PI16: variants seen among roughly 807,000 people sequenced by gnomAD.
PI16 encodes PSP94-binding protein.
In PI16, 35 loss-of-function variants were observed where a neutral mutation model predicts 38.0. That is an observed-to-expected ratio of 0.92 (90% confidence interval 0.70 to 1.22). PI16 has a LOEUF of 1.22. PI16 is among the 50% of genes most tolerant of loss of function. PI16 has a pLI of 0.00. For missense variants in PI16, 572 were observed against 593.8 expected, an observed-to-expected ratio of 0.96 and a Z score of 0.38; for synonymous variants, 275 against 252.9, an observed-to-expected ratio of 1.09 and a Z score of -0.83.
upstream of PI16, among the ~76,000 whole-genome samples, chr6:36,950,705 G>A (rs1003419851): frequency 1.1e-4 from 16 of 152,028 alleles, no homozygotes; most frequent in Non-Finnish European, 1.5e-4. This position sits in a 1 kb window ranked among gnomAD's most constrained non-coding sequence, Gnocchi z 4.2. Flanking sequence ...CACCACACCC[G>A]GCTAATTTTG....
chr6:36,961,867 TCCTCCTGA>T lies in PI16; in HGVS notation c.504-11_504-4del. 1 of 1,605,400 alleles carries T rather than the reference TCCTCCTGA, an allele frequency of 6.2e-7. No homozygotes were observed. The highest frequency in any genetic ancestry group is 2.2e-5 in the East Asian group (1 of 44,796). On this transcript the variant is annotated splice_polypyrimidine_tract_variant and intron_variant, in intron 3 of 6. Transcript: ENST00000373674. ...AGGGGTCGACCCCCTCCCCGCAGCATCCTCCTGACCTCCTGTAGGGGGAACGTGAAGGG... is the reference window on the plus strand; with the variant it reads ...AGGGGTCGACCCCCTCCCCGCAGCATCCTCCTGTAGGGGGAACGTGAAGGG...
At position 36,962,830 on chromosome 6, in the gene PI16, G is replaced by A; in HGVS notation, c.593-105G>A. On this transcript the variant is annotated intron_variant, in intron 4 of 6. Transcript: ENST00000373674. This position sits in a 1 kb window ranked among gnomAD's most constrained non-coding sequence, Gnocchi z 4.1. Reference sequence around the variant, plus strand: ...GCTGGAGAAGTGTATGTGTGTGTTTGTGTGTCCTGGTAGGACATTTGGTCG... The same window carrying A: ...GCTGGAGAAGTGTATGTGTGTGTTTATGTGTCCTGGTAGGACATTTGGTCG... The A allele has an allele frequency of 1.1e-6, 1 of 942,096 alleles. No individual in the cohort carries two copies. Among genetic ancestry groups the A allele is most frequent in the Admixed American group, 2.7e-5 (1 of 36,940 alleles). The allele number at this position is 942,096 out of a possible 1,614,324, so 58.4% of individuals were successfully genotyped here.
rs1371448506 is a variant in PI16, at chr6:36,963,979, G to C, written c.*18+17G>C. ...CACTCAAAGGCAAGGCCTGGTGAGG[G>C]GGGCCCTGGCCTCATACCCACCTGG... is the stretch of plus-strand genomic sequence containing the variant. On this transcript the variant is annotated intron_variant, in intron 6 of 6. Transcript: ENST00000373674. The C allele has an allele frequency of 3.8e-6, 6 of 1,598,096 alleles. No homozygotes were observed. Among genetic ancestry groups the C allele is most frequent in the Non-Finnish European group, 5.1e-6 (6 of 1,172,960 alleles).
chr6:36,963,640 T>A, intron 5 of PI16, 28 bp downstream of exon 5: 1 of 1,601,100 alleles, frequency 6.2e-7, no homozygotes, highest in East Asian at 2.2e-5. Context: ...TGTCCCACTT[T>A]CCTCCTGGCT....
chr6:36,963,698 G>A, intron 5 of PI16, 86 bp downstream of exon 5: 1 of 1,545,624 alleles, frequency 6.5e-7, no homozygotes, highest in Non-Finnish European at 8.8e-7. Flanking sequence ...GAGCATGGTG[G>A]GGCATGCACC....
chr6:36,964,080 C>G (rs1433612386), intron 6 of PI16, 118 bp downstream of exon 6: 2 of 1,270,882 alleles, frequency 1.6e-6, no homozygotes, highest in South Asian at 3.1e-5. Context: ...CCCCTTCACC[C>G]CAACTTCTGG....
chr6:36,955,727 G>A (rs545927630), intron 1 of PI16, among the ~76,000 whole-genome samples: 82 of 152,300 alleles, frequency 5.4e-4, no homozygotes, highest in African/African-American at 1.6e-3. Context: ...GGTGAAACAC[G>A]CAGATGTAGT....
upstream of PI16, chr6:36,954,630 T>A: frequency 7.0e-7 from 1 of 1,430,726 alleles, no homozygotes; most frequent in Admixed American, 2.4e-5. Context: ...CCTGAGACAT[T>A]GTGTGAGTCG....
Position 36,963,341 on chromosome 6 carries a change from A to G in PI16, c.999A>G (p.Pro333=). Residue 333 remains proline, a synonymous_variant, in exon 5 of 7, where the codon CCA becomes CCG. Transcript: ENST00000373674. ...AAACAAAAGTGCCCTCTAGGAGCCC[A>G]GAGAACTCTCTGGACCCCAAGATGT... ...TDKTKVPSRS[P]ENSLDPKMSL... is the part of the protein sequence containing the mutation. 6.2e-7 allele frequency: 1 copy of G among 1,614,228 alleles called. No homozygotes were observed. Among genetic ancestry groups the G allele is most frequent in the Middle Eastern group, 1.6e-4 (1 of 6,062 alleles).
intron 2 of PI16, 28 bp downstream of exon 2, chr6:36,959,394 G>A (rs1489827271): frequency 1.3e-6 from 2 of 1,527,868 alleles, no homozygotes; most frequent in Non-Finnish European, 1.8e-6. Context: ...GAGGCGGGGC[G>A]GAGCCTCGCG....
chr6:36,957,767 C>T (rs1280698861), intron 1 of PI16, among the ~76,000 whole-genome samples: 1 of 152,238 alleles, frequency 6.6e-6, no homozygotes, highest in Non-Finnish European at 1.5e-5. Flanking sequence ...AGGGCCCTGT[C>T]TCAGTCATCA....
Position 36,963,306 on chromosome 6 carries a change from G to A in PI16, c.964G>A (p.Val322Met), listed in dbSNP as rs1408698364. 6.2e-7 allele frequency: 1 copy of A among 1,614,098 alleles called. No individual in the cohort carries two copies. Among genetic ancestry groups the A allele is most frequent in the East Asian group, 2.2e-5 (1 of 44,904 alleles). The change falls in exon 5 of 7, where the codon GTG becomes ATG. Residue 322 changes from valine to methionine, a missense_variant. Coordinates refer to ENST00000373674, the MANE Select transcript of PI16 (RefSeq NM_153370.3). ...HVPIPKSADK[V>M]TDKTKVPSRS... ...TCCTATCCCAAAATCAGCAGACAAA[G>A]TGACAGACAAAACAAAAGTGCCCTC...
intron 1 of PI16, among the ~76,000 whole-genome samples, chr6:36,958,744 A>G (rs1244644936): frequency 2.6e-5 from 4 of 152,110 alleles, no homozygotes; most frequent in African/African-American, 7.2e-5. Context: ...CAGCCCCTCA[A>G]CATCGATCAC....
chr6:36,960,147 T>C (rs1439264627), intron 2 of PI16, among the ~76,000 whole-genome samples: 4 of 152,166 alleles, frequency 2.6e-5, no homozygotes, highest in Admixed American at 1.3e-4. Context: ...ATAAAGCAAA[T>C]TGACAATTTT....
At position 36,963,941 on chromosome 6, in the gene PI16, C is replaced by A; in HGVS notation, c.1389C>A (p.Phe463Leu). The A allele has an allele frequency of 6.2e-7, 1 of 1,612,338 alleles. No homozygotes were observed. Among genetic ancestry groups the A allele is most frequent in the South Asian group, 1.1e-5 (1 of 90,834 alleles). ...LLPPLVLAGI[F>L] ...CTCCTCTGGTGTTGGCTGGAATCTTCTGAAGGGGATACCACTCAAAGGCAA... is the reference window on the plus strand; with the variant it reads ...CTCCTCTGGTGTTGGCTGGAATCTTATGAAGGGGATACCACTCAAAGGCAA... The change falls in exon 6 of 7, where the codon TTC becomes TTA. Residue 463 changes from phenylalanine (F) to leucine (L), a missense_variant. Coordinates refer to ENST00000373674, the MANE Select transcript of PI16 (RefSeq NM_153370.3).
At chr6:36,955,844 G>A (rs932134594) in intron 1 of PI16, among the ~76,000 whole-genome samples, 2 of 152,174 alleles carry the variant, frequency 1.3e-5, no homozygotes, top group Non-Finnish European at 2.9e-5. Context: ...CTGTCTATAT[G>A]CAGAATTAAA....
At chr6:36,960,312 G>A (rs1038999937) in intron 2 of PI16, among the ~76,000 whole-genome samples, 2 of 139,830 alleles carry the variant, frequency 1.4e-5, no homozygotes, top group African/African-American at 5.3e-5. Flanking sequence ...GAAAGTTTGG[G>A]CTTGCAGATA....
At chr6:36,953,821 A>G (rs909748129), upstream of PI16, among the ~76,000 whole-genome samples, 2 of 152,286 alleles carry the variant, frequency 1.3e-5, no homozygotes, top group African/African-American at 4.8e-5. Context: ...CTCCTGGTGC[A>G]TCAGCTCATT....
intron 1 of PI16, chr6:36,948,531 T>C (rs1393616546): frequency 1.3e-5 from 2 of 151,708 alleles, no homozygotes; most frequent in African/African-American, 4.8e-5. Context: ...AGTTCTGGGC[T>C]CAAGCAATCG....
Sources: gnomAD v4.1 joint callset for allele counts (sites outside exome capture counted in the v4.1 genomes callset) on GRCh38, gnomAD v4.1.1 for gene constraint, Gnocchi (gnomAD v3.1) non-coding constraint, MANE v1.5 for transcripts, NCBI Gene and HGNC (gene_info 2026-07-23, HGNC 2026-07-21) for gene names.